The following CCBE1 variants were observed in gnomAD, a reference collection of about 807,000 sequenced individuals.
The protein encoded by CCBE1 is collagen and calcium binding EGF domains 1, also known as collagen and calcium-binding EGF domain-containing protein 1.
A neutral mutation model predicts 50.0 loss-of-function variants in CCBE1; 37 were observed. The observed-to-expected ratio is 0.74, with a 90% CI of 0.57 to 0.97. CCBE1 has a LOEUF of 0.97. Ranked by LOEUF, CCBE1 falls within the 50% of genes least tolerant of loss-of-function variation. The pLI is 0.00. For synonymous variants in CCBE1, 234 were observed against 203.7 expected, an observed-to-expected ratio of 1.15 and a Z score of -1.27; for missense variants, 538 against 523.8, an observed-to-expected ratio of 1.03 and a Z score of -0.26.
intron 2 of CCBE1, among the ~76,000 whole-genome samples, chr18:59,511,273 G>A (rs1914120805): frequency 6.6e-6 from 1 of 152,216 alleles, no homozygotes; most frequent in East Asian, 1.9e-4. Flanking sequence ...AGTTCAAGAC[G>A]AGCAGTGGAG....
At chr18:59,473,812 A>AT (rs150902370) in intron 3 of CCBE1, among the ~76,000 whole-genome samples, 614 of 19,484 alleles carry the variant, frequency 0.032, 9 homozygotes, top group Middle Eastern at 0.042. Flanking sequence ...CCCTCCCACT[A>AT]TTCCCCCCTA....
At chr18:59,650,098 C>CA (rs543817753) in intron 2 of CCBE1, among the ~76,000 whole-genome samples, 110 of 152,182 alleles carry the variant, frequency 7.2e-4, no homozygotes, top group African/African-American at 2.6e-3. Flanking sequence ...GCTTCAAGGC[C>CA]ACAGGTGTGA....
chr18:59,435,672 T>A lies in CCBE1; in HGVS notation c.*236A>T. On this transcript the variant is annotated 3_prime_UTR_variant, in exon 11 of 11. Coordinates refer to ENST00000439986, the MANE Select transcript of CCBE1 (RefSeq NM_133459.4). ...AAAGTTACAATGCAAACCACCCCAA[T>A]GGACTCTTAGTGAGAAGCAGGTAAA... The A allele has an allele frequency of 1.7e-6, 1 of 584,640 alleles. No homozygotes were observed. The highest frequency in any genetic ancestry group is 3.0e-6 in the Non-Finnish European group (1 of 328,492). 36.2% of individuals were successfully genotyped at this position (584,640 alleles called of 1,614,324 possible). A position where few individuals can be genotyped will look rare whatever the true frequency, so the allele number is the denominator to read the frequency against.
intron 2 of CCBE1, among the ~76,000 whole-genome samples, chr18:59,635,695 T>C (rs1278271221): frequency 6.6e-6 from 1 of 151,670 alleles, no homozygotes; most frequent in Admixed American, 6.6e-5. Context: ...GCAAATGGAA[T>C]GTCTAACTTC....
intron 2 of CCBE1, among the ~76,000 whole-genome samples, chr18:59,490,237 G>C (rs557571352): frequency 6.6e-6 from 1 of 151,876 alleles, no homozygotes; most frequent in Non-Finnish European, 1.5e-5. Context: ...TGCCTGCCTC[G>C]GCCTCCCAAA....
At chr18:59,496,687 T>A (rs574119414) in intron 2 of CCBE1, among the ~76,000 whole-genome samples, 1 of 152,358 alleles carries the variant, frequency 6.6e-6, no homozygotes, top group African/African-American at 2.4e-5. Context: ...ACTCGGAGAC[T>A]CAGGCAGTCC....
intron 2 of CCBE1, among the ~76,000 whole-genome samples, chr18:59,628,938 C>A (rs971258874): frequency 1.3e-5 from 2 of 152,226 alleles, no homozygotes; most frequent in African/African-American, 4.8e-5. Context: ...CACCTCTCCT[C>A]TGCTACCTCT....
intron 2 of CCBE1, among the ~76,000 whole-genome samples, chr18:59,607,838 G>T (rs565723825): frequency 6.6e-6 from 1 of 152,324 alleles, no homozygotes; most frequent in East Asian, 1.9e-4. Context: ...ACTTTGGGAG[G>T]CTGAGGCAGA....
intron 2 of CCBE1, among the ~76,000 whole-genome samples, chr18:59,687,102 G>A (rs968174797): frequency 1.4e-4 from 22 of 152,214 alleles, no homozygotes; most frequent in East Asian, 1.9e-4. Context: ...ATTTCTTTGT[G>A]GGAAAATTCC....
At chr18:59,484,768 G>A (rs964104900) in intron 2 of CCBE1, among the ~76,000 whole-genome samples, 10 of 152,088 alleles carry the variant, frequency 6.6e-5, no homozygotes, top group African/African-American at 1.2e-4. Context: ...ATTCCAGTGC[G>A]CCCTTCTGTC....
intron 2 of CCBE1, among the ~76,000 whole-genome samples, chr18:59,571,094 C>CT (rs1350680597): frequency 6.6e-6 from 1 of 152,162 alleles, no homozygotes; most frequent in Non-Finnish European, 1.5e-5. Context: ...AAATGTGCTC[C>CT]TTTTTTGGGT....
intron 2 of CCBE1, among the ~76,000 whole-genome samples, chr18:59,526,438 T>C (rs1357164082): frequency 6.6e-6 from 1 of 151,534 alleles, no homozygotes; most frequent in Non-Finnish European, 1.5e-5. Context: ...GCCTCCCAAG[T>C]AGCTGGGATT....
At chr18:59,546,852 C>T (rs1915703998) in intron 2 of CCBE1, among the ~76,000 whole-genome samples, 1 of 151,982 alleles carries the variant, frequency 6.6e-6, no homozygotes, top group South Asian at 2.1e-4. Context: ...TTGAGTTATC[C>T]ATAGCAATCT....
chr18:59,469,449 GA>G, intron 4 of CCBE1, 23 bp downstream of exon 4: 1 of 1,614,130 alleles, frequency 6.2e-7, no homozygotes, highest in South Asian at 1.1e-5. Flanking sequence ...TCAGAAGCTG[GA>G]AACAAGCACA....
At chr18:59,656,596 C>T (rs990506790) in intron 2 of CCBE1, among the ~76,000 whole-genome samples, 2 of 152,160 alleles carry the variant, frequency 1.3e-5, no homozygotes, top group African/African-American at 2.4e-5. Flanking sequence ...AGTTTCAGTT[C>T]CTGATGGCCA....
At chr18:59,612,013 C>T (rs574340310) in intron 2 of CCBE1, among the ~76,000 whole-genome samples, 2 of 152,260 alleles carry the variant, frequency 1.3e-5, no homozygotes, top group Admixed American at 6.5e-5. Flanking sequence ...GACTATACCC[C>T]TAAGCCAGTG....
chr18:59,655,034 C>T (rs924059607), intron 2 of CCBE1, among the ~76,000 whole-genome samples: 2 of 146,248 alleles, frequency 1.4e-5, no homozygotes, highest in Non-Finnish European at 3.0e-5. Flanking sequence ...TTGCAGTGAA[C>T]CAAGATCGCA....
intron 2 of CCBE1, among the ~76,000 whole-genome samples, chr18:59,546,481 T>C (rs1915687327): frequency 6.6e-6 from 1 of 152,252 alleles, no homozygotes; most frequent in Non-Finnish European, 1.5e-5. Flanking sequence ...TGTAGCTCCC[T>C]CTTAGAACCC....
At chr18:59,601,202 T>C (rs2053427661) in intron 2 of CCBE1, among the ~76,000 whole-genome samples, 2 of 151,674 alleles carry the variant, frequency 1.3e-5, no homozygotes, top group South Asian at 4.2e-4. Context: ...CAGCTTATTT[T>C]TTGTAGTTTT....
Sources: gnomAD v4.1 joint callset for allele counts (sites outside exome capture counted in the v4.1 genomes callset) on GRCh38, gnomAD v4.1.1 for gene constraint, MANE v1.5 for transcripts, NCBI Gene and HGNC (gene_info 2026-07-23, HGNC 2026-07-21) for gene names.